CFAP74: variants seen among roughly 807,000 people sequenced by gnomAD.
CFAP74 encodes the protein cilia and flagella associated protein 74.
A neutral mutation model predicts 188.9 loss-of-function variants in CFAP74; 124 were observed. The ratio of observed to expected loss-of-function variants is 0.66; its 90% CI spans 0.57 to 0.76. The LOEUF is 0.76. CFAP74 is among the 30% of genes least tolerant of loss of function. The pLI, the probability that CFAP74 is intolerant of heterozygous loss-of-function variation, is 0.00. For synonymous variants in CFAP74, 956 were observed against 916.7 expected (o/e 1.04, Z -0.77); for missense variants, 2,198 against 2,165.2 (o/e 1.02, Z -0.30).
intron 1 of CFAP74, among the ~76,000 whole-genome samples, chr1:1,991,322 C>G (rs929137355): frequency 3.2e-4 from 49 of 152,310 alleles, no homozygotes; most frequent in African/African-American, 1.2e-3. Flanking sequence ...TGTGATGGCA[C>G]CACTGCACTC....
intron 21 of CFAP74, 23 bp downstream of exon 21, chr1:1,944,308 T>C (rs1271724642): frequency 6.5e-7 from 1 of 1,531,248 alleles, no homozygotes; most frequent in East Asian, 2.5e-5. Context: ...TCACCCCGTG[T>C]GCATGGACAG....
At chr1:1,955,602 C>T (rs778214674) in intron 18 of CFAP74, 89 bp downstream of exon 18, 17 of 1,612,170 alleles carry the variant, frequency 1.1e-5, no homozygotes, top group South Asian at 3.3e-5. Flanking sequence ...TACTTTCCAG[C>T]CCTCCCCTGG....
chr1:1,953,135 G>T (rs981865207), intron 18 of CFAP74, among the ~76,000 whole-genome samples: 6 of 152,128 alleles, frequency 3.9e-5, no homozygotes, highest in Non-Finnish European at 8.8e-5. Context: ...GGAAAAAAAA[G>T]AACAAAGTTG....
At chr1:1,969,807 T>A (rs917210599) in intron 10 of CFAP74, among the ~76,000 whole-genome samples, 5 of 151,920 alleles carry the variant, frequency 3.3e-5, no homozygotes, top group Non-Finnish European at 7.4e-5. Flanking sequence ...CAGAGGAGGA[T>A]GCCTTGCCCA....
intron 22 of CFAP74, 68 bp downstream of exon 22, chr1:1,941,960 C>G: frequency 2.2e-6 from 3 of 1,387,970 alleles, no homozygotes; most frequent in Non-Finnish European, 2.8e-6. Flanking sequence ...TGGCCAGTGG[C>G]GAGGAGCGCC....
At chr1:1,972,408 G>GGAACAT (rs1656152343) in intron 8 of CFAP74, among the ~76,000 whole-genome samples, 1 of 152,260 alleles carries the variant, frequency 6.6e-6, no homozygotes, top group Non-Finnish European at 1.5e-5. Context: ...CGACATGGTG[G>GGAACAT]GAACATGCCC....
At chr1:1,964,488 G>C (rs1172588837) in intron 13 of CFAP74, among the ~76,000 whole-genome samples, 1 of 152,212 alleles carries the variant, frequency 6.6e-6, no homozygotes, top group Non-Finnish European at 1.5e-5. Context: ...GGGTTTTCCA[G>C]CGTTAAAAAG....
At chr1:1,986,097 G>A (rs553564563) in intron 5 of CFAP74, among the ~76,000 whole-genome samples, 72 of 152,320 alleles carry the variant, frequency 4.7e-4, no homozygotes, top group African/African-American at 1.6e-3. Context: ...TCAAAACCCT[G>A]CAGAGGGCTG....
At chr1:1,948,515 C>T (rs2490542) in intron 18 of CFAP74, among the ~76,000 whole-genome samples, 60,941 of 150,038 alleles carry the variant, frequency 0.41, 14,352 homozygotes, top group Admixed American at 0.53. Flanking sequence ...CTGCGTTGGC[C>T]CTCTAAAGTA....
chr1:1,976,309 C>G (rs536522663), intron 6 of CFAP74, among the ~76,000 whole-genome samples: 1 of 152,330 alleles, frequency 6.6e-6, no homozygotes, highest in South Asian at 2.1e-4. Context: ...GCGGCTCCCT[C>G]ATGAACGGGT....
chr1:1,965,066 G>A lies in CFAP74; in HGVS notation c.1402-5C>T, dbSNP rs765112352. On this transcript the variant is annotated splice_region_variant and splice_polypyrimidine_tract_variant and intron_variant, in intron 12 of 38. Coordinates refer to ENST00000682832, the MANE Select transcript of CFAP74 (RefSeq NM_001304360.2). Reference sequence around the variant, plus strand: ...GTCCACGTCCTCCTTGGGCACCTGGGGGTCACAGAGACAGAGGCTGGGGCT... The same window carrying A: ...GTCCACGTCCTCCTTGGGCACCTGGAGGTCACAGAGACAGAGGCTGGGGCT... 5 of 1,610,802 alleles carry A rather than the reference G, an allele frequency of 3.1e-6. No individual in the cohort carries two copies. Among genetic ancestry groups the A allele is most frequent in the South Asian group, 1.1e-5 (1 of 90,912 alleles).
intron 26 of CFAP74, among the ~76,000 whole-genome samples, chr1:1,929,557 T>C (rs1570826252): frequency 1.3e-5 from 2 of 151,386 alleles, no homozygotes; most frequent in South Asian, 2.1e-4. Flanking sequence ...TGAAATCCCA[T>C]GTGAGCCAAC....
chr1:1,959,782 CA>C (rs1353423780), intron 15 of CFAP74, among the ~76,000 whole-genome samples, 181 bp downstream of exon 15: 1 of 152,202 alleles, frequency 6.6e-6, no homozygotes, highest in African/African-American at 2.4e-5. Flanking sequence ...CGGTTCTGCC[CA>C]GCATTCAGGA....
chr1:1,951,053 G>T (rs1289562166), intron 18 of CFAP74, among the ~76,000 whole-genome samples: 1 of 152,138 alleles, frequency 6.6e-6, no homozygotes, highest in Non-Finnish European at 1.5e-5. Context: ...CTGCTATAAA[G>T]AACTGCCCGA....
chr1:1,954,990 A>C, intron 18 of CFAP74: 1 of 1,158,424 alleles, frequency 8.6e-7, no homozygotes, highest in Non-Finnish European at 1.1e-6. Flanking sequence ...CTCTCTCAGG[A>C]AAGGAAACGC....
chr1:1,947,309 C>G (rs1014116299), intron 18 of CFAP74, among the ~76,000 whole-genome samples: 3 of 152,186 alleles, frequency 2.0e-5, no homozygotes, highest in Non-Finnish European at 2.9e-5. Context: ...TGGCCCAGGG[C>G]GAGGGTATTA....
At chr1:1,963,994 C>G in intron 13 of CFAP74, 127 bp from the exon 14 acceptor site, 1 of 704,316 alleles carries the variant, frequency 1.4e-6, no homozygotes, top group Non-Finnish European at 2.5e-6. Context: ...TCCCAGGGAA[C>G]AATTTCCAAG....
At chr1:1,927,923 C>G (rs1324718962) in intron 27 of CFAP74, 177 bp from the exon 28 acceptor site, 5 of 623,228 alleles carry the variant, frequency 8.0e-6, no homozygotes, top group African/African-American at 5.5e-5. Flanking sequence ...GAGGGGCACA[C>G]AGACCCCCAC....
intron 2 of CFAP74, among the ~76,000 whole-genome samples, chr1:1,989,725 T>C (rs1007344494): frequency 1.3e-5 from 2 of 152,186 alleles, no homozygotes; most frequent in Non-Finnish European, 2.9e-5. Context: ...CCTCCCCAAG[T>C]GCTGGGATGA....
Sources: gnomAD v4.1 joint callset for allele counts (sites outside exome capture counted in the v4.1 genomes callset) on GRCh38, gnomAD v4.1.1 for gene constraint, MANE v1.5 for transcripts, NCBI Gene and HGNC (gene_info 2026-07-23, HGNC 2026-07-21) for gene names.